The following TPO variants were observed in gnomAD, a reference collection of about 807,000 sequenced individuals.
The protein encoded by TPO is thyroid microsomal antigen.
TPO carries 78 observed loss-of-function variants against 96.9 expected under a neutral mutation model. That is an observed-to-expected ratio of 0.81 (90% CI 0.67 to 0.97). The LOEUF (loss-of-function observed/expected upper bound fraction) is 0.97. TPO is among the 50% of genes least tolerant of loss of function. The pLI, the probability that TPO is intolerant of heterozygous loss-of-function variation, is 0.00. For missense variants in TPO, 1,252 were observed against 1,274.8 expected (o/e 0.98, Z 0.27); for synonymous variants, 547 against 538.0 (o/e 1.02, Z -0.23).
intron 14 of TPO, among the ~76,000 whole-genome samples, chr2:1,514,655 G>T (rs1341267720): frequency 6.6e-6 from 1 of 152,218 alleles, no homozygotes; most frequent in Non-Finnish European, 1.5e-5. Flanking sequence ...TGATGCCCCC[G>T]TAGGACATGC....
intron 4 of TPO, among the ~76,000 whole-genome samples, chr2:1,433,815 G>A (rs115848132): frequency 0.011 from 1,619 of 152,282 alleles, 30 homozygotes; most frequent in African/African-American, 0.037. Flanking sequence ...CTGGAAAATA[G>A]CCATTTCTCT....
intron 15 of TPO, among the ~76,000 whole-genome samples, chr2:1,537,506 C>CCACTCTGTGCAGCCTCCCAAAAT (rs1680065352): frequency 9.1e-5 from 3 of 32,848 alleles, no homozygotes; most frequent in African/African-American, 1.8e-4. Flanking sequence ...CCCCAAATCC[C>CCACTCTGTGCAGCCTCCCAAAAT]CCCAACTCTG....
chr2:1,422,191 C>T (rs927647922), intron 2 of TPO, among the ~76,000 whole-genome samples: 1 of 151,000 alleles, frequency 6.6e-6, no homozygotes, highest in Non-Finnish European at 1.5e-5. Context: ...ATGGAACAGA[C>T]GGAGCAGGGC....
At chr2:1,527,632 C>G (rs1573569561) in intron 15 of TPO, among the ~76,000 whole-genome samples, 2 of 144,260 alleles carry the variant, frequency 1.4e-5, no homozygotes, top group Admixed American at 1.4e-4. Flanking sequence ...CCCCTACTCT[C>G]TGCAGACTCC....
At chr2:1,467,355 C>G (rs1668998020) in intron 7 of TPO, among the ~76,000 whole-genome samples, 1 of 152,114 alleles carries the variant, frequency 6.6e-6, no homozygotes, top group South Asian at 2.1e-4. Context: ...TCCACCAGCT[C>G]AGCCTCCCAA....
chr2:1,462,202 C>T (rs1668509911), intron 7 of TPO, among the ~76,000 whole-genome samples: 1 of 152,214 alleles, frequency 6.6e-6, no homozygotes, highest in South Asian at 2.1e-4. Context: ...GAGGCTGGGG[C>T]AGGTGCTGCG....
intron 1 of TPO, among the ~76,000 whole-genome samples, chr2:1,383,719 T>C (rs1449428647): frequency 3.9e-5 from 6 of 152,224 alleles, no homozygotes; most frequent in South Asian, 2.1e-4. Context: ...AGAAGCTCTT[T>C]AGTTTAATTA....
At chr2:1,418,311 G>GAA (rs1558259684) in intron 2 of TPO, among the ~76,000 whole-genome samples, 2 of 151,096 alleles carry the variant, frequency 1.3e-5, no homozygotes, top group African/African-American at 4.9e-5. Context: ...GAGAGAGAGA[G>GAA]AAAAAAAGAA....
chr2:1,381,974 G>A (rs907479602), intron 1 of TPO, among the ~76,000 whole-genome samples: 1 of 152,192 alleles, frequency 6.6e-6, no homozygotes, highest in Non-Finnish European at 1.5e-5. Flanking sequence ...GCTGTAAATT[G>A]TGGTTGCTTT....
chr2:1,436,452 G>A (rs1665581407), intron 5 of TPO, 68 bp downstream of exon 5: 3 of 1,607,768 alleles, frequency 1.9e-6, no homozygotes, highest in Non-Finnish European at 2.5e-6. Context: ...ATGCCATCAT[G>A]AAGGAACTTC....
At chr2:1,497,490 G>T (rs1000993429) in intron 13 of TPO, among the ~76,000 whole-genome samples, 1 of 152,192 alleles carries the variant, frequency 6.6e-6, no homozygotes, top group African/African-American at 2.4e-5. Context: ...AGCCCTCTGG[G>T]TGCGACTCCT....
chr2:1,469,445 T>A (rs1669186152), intron 7 of TPO, among the ~76,000 whole-genome samples: 1 of 152,168 alleles, frequency 6.6e-6, no homozygotes, highest in Non-Finnish European at 1.5e-5. Flanking sequence ...GGATGTGGCT[T>A]CCTGAGAGCT....
At chr2:1,397,305 G>A (rs1367009857) in intron 1 of TPO, among the ~76,000 whole-genome samples, 5 of 152,140 alleles carry the variant, frequency 3.3e-5, no homozygotes, top group Non-Finnish European at 7.3e-5. Flanking sequence ...TTTACTGCAG[G>A]AAAACACAAG....
chr2:1,384,164 A>G (rs538535276), intron 1 of TPO, among the ~76,000 whole-genome samples: 1 of 152,074 alleles, frequency 6.6e-6, no homozygotes, highest in African/African-American at 2.4e-5. Flanking sequence ...GCCTCCAGCT[A>G]TGTTCTTTGG....
intron 5 of TPO, among the ~76,000 whole-genome samples, chr2:1,446,454 C>T (rs994284553): frequency 7.2e-5 from 11 of 152,194 alleles, no homozygotes; most frequent in African/African-American, 2.7e-4. Flanking sequence ...CCACAGCCCT[C>T]ACCAATCCCC....
intron 7 of TPO, among the ~76,000 whole-genome samples, chr2:1,458,650 T>C (rs1668119086): frequency 6.6e-6 from 1 of 152,176 alleles, no homozygotes; most frequent in African/African-American, 2.4e-5. Flanking sequence ...TGTGGGCACG[T>C]GTGTAAATAG....
chr2:1,380,500 C>A (rs997035380), intron 1 of TPO, among the ~76,000 whole-genome samples: 46 of 151,152 alleles, frequency 3.0e-4, no homozygotes, highest in African/African-American at 1.1e-3. Context: ...AAAAAAAATT[C>A]TATATTTGAA....
Position 1,524,156 on chromosome 2 carries a change from C to T in TPO, c.2618+7174C>T, listed in dbSNP as rs532817583. Among the ~76,000 whole-genome samples the T allele has an allele frequency of 5.3e-4, 64 of 120,688 alleles. 1 individual carries two copies. Among genetic ancestry groups the T allele is most frequent in the African/African-American group, 1.8e-3 (60 of 32,584 alleles). The allele number at this position is 120,688 out of a possible 152,430, so 79.2% of individuals were successfully genotyped here. ...CCAACTCTGTGCAACCTCCCAAAAT[C>T]CCCCAAACTGTGTGCAACCTCCTCA... On this transcript the variant is annotated intron_variant, in intron 15 of 16. Transcript: ENST00000329066.
intron 5 of TPO, among the ~76,000 whole-genome samples, chr2:1,452,587 A>G (rs1248320696): frequency 1.3e-5 from 2 of 152,220 alleles, no homozygotes; most frequent in Non-Finnish European, 2.9e-5. Flanking sequence ...GTCGCTGGGA[A>G]CAGTTTTGCC....
Sources: gnomAD v4.1 joint callset for allele counts (sites outside exome capture counted in the v4.1 genomes callset) on GRCh38, gnomAD v4.1.1 for gene constraint, MANE v1.5 for transcripts, NCBI Gene and HGNC (gene_info 2026-07-23, HGNC 2026-07-21) for gene names.